The following RFPL2 variants were observed in gnomAD, a reference collection of about 807,000 sequenced individuals.
RFPL2 encodes the protein ret finger protein like 2.
A neutral mutation model predicts 17.8 loss-of-function variants in RFPL2; 13 were observed. The ratio of observed to expected loss-of-function variants is 0.73; its 90% CI spans 0.47 to 1.16. RFPL2 has a LOEUF of 1.16. Among genes scored for constraint, RFPL2 ranks in the 50% most tolerant of loss-of-function variants. The pLI is 0.00. For synonymous variants in RFPL2, 189 were observed against 180.9 expected, an observed-to-expected ratio of 1.04 and a Z score of -0.36; for missense variants, 431 against 479.3, an observed-to-expected ratio of 0.90 and a Z score of 0.94.
At chr22:32,193,584 G>C in intron 3 of RFPL2, 1 of 1,016,878 alleles carries the variant, frequency 9.8e-7, no homozygotes, top group South Asian at 2.4e-5. Context: ...CTGGGAGGCC[G>C]GGCACGATGG....
chr22:32,193,019 G>T lies in RFPL2; in HGVS notation c.439C>A (p.Arg147=). The T allele has an allele frequency of 6.2e-7, 1 of 1,614,062 alleles. No individual in the cohort carries two copies. Among genetic ancestry groups the T allele is most frequent in the Non-Finnish European group, 8.5e-7 (1 of 1,180,010 alleles). ...LLCCCSSMVS[R]KNKIRRNRQL... ...CGATTGCGCCTGATTTTGTTCTTCC[G>T]AGAGACCATGGAAGAGCAACAGCAA... The change falls in exon 4 of 5, where the codon CGG becomes AGG. Residue 147 remains arginine (R), a synonymous_variant. Transcript: ENST00000652607.
chr22:32,201,243 T>C (rs1312592952), intron 2 of RFPL2, among the ~76,000 whole-genome samples: 1 of 152,104 alleles, frequency 6.6e-6, no homozygotes, highest in Non-Finnish European at 1.5e-5. Flanking sequence ...TTTCACCATA[T>C]TAGCCAGGAT....
At chr22:32,199,959 C>G in intron 2 of RFPL2, 1 of 539,914 alleles carries the variant, frequency 1.9e-6, no homozygotes, top group South Asian at 1.4e-5. Context: ...TGTTCCCGTC[C>G]TCCTCTGAGG....
chr22:32,195,622 A>AT (rs1168014656), intron 2 of RFPL2, among the ~76,000 whole-genome samples: 6,969 of 143,136 alleles, frequency 0.049, 563 homozygotes, highest in African/African-American at 0.17. Context: ...TGCCTGGCTA[A>AT]TTTTTTTTTT....
Position 32,193,040 on chromosome 22 carries a change from A to T in RFPL2, c.418T>A (p.Cys140Ser). ...TTCCGAGAGACCATGGAAGAGCAAC[A>T]GCAAAGTAGATCCTCCCCATGGGGC... ...KEPHGEDLLC[C>S]CSSMVSRKNK... Residue 140 changes from cysteine (C) to serine (S), a missense_variant, in exon 4 of 5, where the codon TGT (cysteine) becomes AGT (serine). Transcript: ENST00000652607. 1.2e-6 allele frequency: 2 copies of T among 1,614,054 alleles called. No individual in the cohort carries two copies. The highest frequency in any genetic ancestry group is 1.7e-6 in the Non-Finnish European group (2 of 1,179,944).
chr22:32,192,273 G>A (rs1349374283), intron 4 of RFPL2, among the ~76,000 whole-genome samples: 1 of 152,182 alleles, frequency 6.6e-6, no homozygotes, highest in Non-Finnish European at 1.5e-5. Context: ...ATCTCTTCAT[G>A]TAAATGTCCC....
At chr22:32,192,479 G>A (rs1299700892) in intron 4 of RFPL2, among the ~76,000 whole-genome samples, 2 of 152,186 alleles carry the variant, frequency 1.3e-5, no homozygotes, top group South Asian at 2.1e-4. Context: ...AATATTCACC[G>A]TGCATTAGAA....
intron 2 of RFPL2, among the ~76,000 whole-genome samples, chr22:32,201,600 G>A (rs1012691892): frequency 3.3e-5 from 5 of 152,128 alleles, no homozygotes; most frequent in Non-Finnish European, 5.9e-5. Context: ...TTTGGAGGAC[G>A]CATCATTTAT....
At chr22:32,191,630 T>C (rs551431811) in intron 4 of RFPL2, among the ~76,000 whole-genome samples, 22 of 152,334 alleles carry the variant, frequency 1.4e-4, no homozygotes, top group Non-Finnish European at 2.9e-4. Context: ...TGGAGGGTCT[T>C]TGAAGGCAGA....
At chr22:32,201,677 T>G (rs1340344341) in intron 2 of RFPL2, among the ~76,000 whole-genome samples, 1 of 152,202 alleles carries the variant, frequency 6.6e-6, no homozygotes, top group Non-Finnish European at 1.5e-5. Flanking sequence ...GGACTTTCTC[T>G]GTGAGGCTCC....
At position 32,194,451 on chromosome 22, in the gene RFPL2, C is replaced by T; in HGVS notation, c.159G>A (p.Val53=). ...RLEGVEGRDP[V]GGGNLTNKRP... ...TTTTATTGGTGAGATTCCCACCTCC[C>T]ACTGGGTCACGCCCTTCCACACCCT... The change falls in exon 3 of 5, where the codon GTG becomes GTA. Residue 53 remains valine, a synonymous_variant. Coordinates refer to ENST00000652607, the MANE Select transcript of RFPL2 (RefSeq NM_001394555.1). 1.2e-6 allele frequency: 2 copies of T among 1,611,676 alleles called. No individual in the cohort carries two copies. The highest frequency in any genetic ancestry group is 1.7e-6 in the Non-Finnish European group (2 of 1,179,294).
intron 2 of RFPL2, among the ~76,000 whole-genome samples, chr22:32,199,754 T>G (rs550142390): frequency 6.6e-6 from 1 of 152,242 alleles, no homozygotes; most frequent in African/African-American, 2.4e-5. Flanking sequence ...ATGACAGAGA[T>G]TTGTTTTAGG....
Position 32,192,951 on chromosome 22 carries a change from G to A in RFPL2, c.507C>T (p.Pro169=), listed in dbSNP as rs765023078. The A allele has an allele frequency of 6.9e-5, 111 of 1,613,964 alleles. No homozygotes were observed. Among genetic ancestry groups the A allele is most frequent in the Non-Finnish European group, 9.2e-5 (108 of 1,180,016 alleles). The change falls in exon 4 of 5, where the codon CCC becomes CCT. Residue 169 remains proline (P), a synonymous_variant. Coordinates refer to ENST00000652607, the MANE Select transcript of RFPL2 (RefSeq NM_001394555.1). ...RLASHIKELE[P]KLKKILQMNP... is the part of the protein sequence containing the mutation. ...TCATCTGCAGAATCTTCTTCAGCTT[G>A]GGCTCCAGTTCCTTGATGTGGGAAG...
rs1209719300 is a variant in RFPL2, at chr22:32,193,032, A to G, written c.426T>C (p.Ser142=). The G allele has an allele frequency of 2.5e-6, 4 of 1,613,966 alleles. No individual in the cohort carries two copies. The highest frequency in any genetic ancestry group is 3.4e-6 in the Non-Finnish European group (4 of 1,179,980). Residue 142 remains serine (S), a synonymous_variant, in exon 4 of 5, where the codon TCT becomes TCC. Coordinates refer to ENST00000652607, the MANE Select transcript of RFPL2 (RefSeq NM_001394555.1). ...PHGEDLLCCC[S]SMVSRKNKIR... is the part of the protein sequence containing the mutation. ...TTTTGTTCTTCCGAGAGACCATGGA[A>G]GAGCAACAGCAAAGTAGATCCTCCC... is the stretch of plus-strand genomic sequence containing the variant.
chr22:32,190,673 C>T lies in RFPL2; in HGVS notation c.*99G>A. 5 of 1,230,038 alleles carry T rather than the reference C, an allele frequency of 4.1e-6. No individual in the cohort carries two copies. Among genetic ancestry groups the T allele is most frequent in the Non-Finnish European group, 5.6e-6 (5 of 895,460 alleles). 76.2% of individuals were successfully genotyped at this position (1,230,038 alleles called of 1,614,324 possible). A position where few individuals can be genotyped will look rare whatever the true frequency, so the allele number is the denominator to read the frequency against. ...TCAAGAAATGTCCCATATTTTTCTC[C>T]CGTGACTTTGTATAATGCTTTTACG... is the stretch of plus-strand genomic sequence containing the variant. On this transcript the variant is annotated 3_prime_UTR_variant, in exon 5 of 5. Coordinates refer to ENST00000652607, the MANE Select transcript of RFPL2 (RefSeq NM_001394555.1).
intron 2 of RFPL2, among the ~76,000 whole-genome samples, chr22:32,198,797 G>A (rs1181819390): frequency 1.3e-5 from 2 of 151,218 alleles, no homozygotes; most frequent in Non-Finnish European, 3.0e-5. Flanking sequence ...GACCTCAGAG[G>A]TACGGCACTA....
chr22:32,201,001 A>C (rs1923859776), intron 2 of RFPL2, among the ~76,000 whole-genome samples: 1 of 151,926 alleles, frequency 6.6e-6, no homozygotes. Flanking sequence ...GCTCCGCAGG[A>C]AACAGTGCAA....
In RFPL2 at chr22:32,190,769, G is replaced by C. The variant is rs1358968900; in HGVS notation, c.*3C>G. 16 of 1,502,152 alleles carry C rather than the reference G, an allele frequency of 1.1e-5. No individual in the cohort carries two copies. The highest frequency in any genetic ancestry group is 1.4e-5 in the South Asian group (1 of 71,066). The allele number at this position is 1,502,152 out of a possible 1,614,324, so 93.1% of individuals were successfully genotyped here. ...CTGTTTTTTGTTTTTTTGGAGTGAG[G>C]GCTTATTTGGCCTCCCCAGGACGGA... On this transcript the variant is annotated 3_prime_UTR_variant, in exon 5 of 5. Coordinates refer to ENST00000652607, the MANE Select transcript of RFPL2 (RefSeq NM_001394555.1).
chr22:32,202,611 G>T, intron 1 of RFPL2, 61 bp from the exon 2 acceptor site: 1 of 1,425,696 alleles, frequency 7.0e-7, no homozygotes, highest in African/African-American at 1.4e-5. Context: ...CCACTGGGTG[G>T]CAGGGGCCGG....
Sources: gnomAD v4.1 joint callset for allele counts (sites outside exome capture counted in the v4.1 genomes callset) on GRCh38, gnomAD v4.1.1 for gene constraint, MANE v1.5 for transcripts, NCBI Gene and HGNC (gene_info 2026-07-23, HGNC 2026-07-21) for gene names.